LIG3: variants seen among roughly 807,000 people sequenced by gnomAD.
LIG3 encodes ligase II, DNA, ATP-dependent.
A neutral mutation model predicts 110.9 loss-of-function variants in LIG3; 58 were observed. That is an observed-to-expected ratio of 0.52 (90% CI 0.42 to 0.65). The LOEUF is 0.65. Ranked by LOEUF, LIG3 falls within the 30% of genes least tolerant of loss-of-function variation. The pLI, the probability that LIG3 is intolerant of heterozygous loss-of-function variation, is 0.00. For missense variants in LIG3, 1,094 were observed against 1,273.8 expected (o/e 0.86, Z 2.15); for synonymous variants, 422 against 472.8 (o/e 0.89, Z 1.39).
chr17:34,993,468 ACCTGCAGTAGTGG>A (rs1209569327), intron 8 of LIG3, among the ~76,000 whole-genome samples: 4 of 152,242 alleles, frequency 2.6e-5, no homozygotes, highest in Non-Finnish European at 4.4e-5. Flanking sequence ...GACTGCGGCC[ACCTGCAGTAGTGG>A]CCTTTCTGAC....
At chr17:34,986,953 G>A (rs2090662572) in intron 3 of LIG3, among the ~76,000 whole-genome samples, 1 of 152,196 alleles carries the variant, frequency 6.6e-6, no homozygotes, top group South Asian at 2.1e-4. Flanking sequence ...TTTGTTGGGA[G>A]GCAGTACAGC....
chr17:34,996,518 T>G, intron 10 of LIG3, 56 bp from the exon 11 acceptor site: 1 of 1,426,504 alleles, frequency 7.0e-7, no homozygotes, highest in Non-Finnish European at 9.9e-7. Context: ...GTACTCCTTA[T>G]TTTTTCACAC....
At chr17:35,003,425 C>T (rs1325736213) in intron 19 of LIG3, 4 of 206,378 alleles carry the variant, frequency 1.9e-5, no homozygotes, top group Non-Finnish European at 4.0e-5. Flanking sequence ...AGCGATTCTC[C>T]GGCTTCAGCC....
chr17:34,989,657 G>C lies in LIG3; in HGVS notation c.883G>C (p.Ala295Pro). 1 of 1,614,154 alleles carries C rather than the reference G, an allele frequency of 6.2e-7. No individual in the cohort carries two copies. Among genetic ancestry groups the C allele is most frequent in the Non-Finnish European group, 8.5e-7 (1 of 1,180,018 alleles). ...IIQDFLRKGS[A>P]GDGFHGDVYL... ...CCAGGACTTCCTTCGGAAAGGCTCAGCAGGAGGTGTGGCATGAGCATCCTG... is the reference window on the plus strand; with the variant it reads ...CCAGGACTTCCTTCGGAAAGGCTCACCAGGAGGTGTGGCATGAGCATCCTG... The change falls in exon 4 of 20, where the codon GCA (alanine) becomes CCA (proline). Residue 295 changes from alanine to proline, a missense_variant. Transcript: ENST00000378526.
At chr17:34,998,369 C>T in intron 13 of LIG3, 73 bp downstream of exon 13, 1 of 1,376,718 alleles carries the variant, frequency 7.3e-7, no homozygotes, top group East Asian at 2.3e-5. Flanking sequence ...CCAGCCCTGA[C>T]CAGGAGATGG....
Position 35,001,967 on chromosome 17 carries a change from G to A in LIG3, c.2537G>A (p.Gly846Glu), listed in dbSNP as rs370060405. Reference protein sequence around the residue: ...ADFTVVAGDEGSSTTGGSSEE... With the variant: ...ADFTVVAGDEESSTTGGSSEE... ...TTCACTGTAGTGGCTGGAGATGAGG[G>A]GAGCTCCACTACAGGGGGTAGCAGT... is the stretch of plus-strand genomic sequence containing the variant. The change falls in exon 18 of 20, where the codon GGG (glycine) becomes GAG (glutamate). Residue 846 changes from glycine (G) to glutamate (E), a missense_variant. By Grantham distance (98) the Gly-to-Glu change is moderately conservative (BLOSUM62 -2). Coordinates refer to ENST00000378526, the MANE Select transcript of LIG3 (RefSeq NM_013975.4). 9 of 1,612,824 alleles carry A rather than the reference G, an allele frequency of 5.6e-6. No individual in the cohort carries two copies. The African/African-American group carries it at 1.1e-4, about 19-fold the overall frequency.
At chr17:34,991,271 T>C (rs1597794717) in intron 5 of LIG3, 157 bp downstream of exon 5, 1 of 675,036 alleles carries the variant, frequency 1.5e-6, no homozygotes, top group East Asian at 2.7e-5. Context: ...GAGCTGAATG[T>C]GAGGCTATAG....
intron 19 of LIG3, chr17:35,004,008 C>T: frequency 2.2e-6 from 1 of 462,322 alleles, no homozygotes; most frequent in South Asian, 2.3e-5. Flanking sequence ...GGCTCTTATA[C>T]ACATGTACTC....
chr17:35,007,155 A>G lies in LIG3; in HGVS notation c.*2649A>G, dbSNP rs1302016581. 6.6e-6 allele frequency: 1 copy of G among 152,042 alleles called. No homozygotes were observed. The highest frequency in any genetic ancestry group is 2.4e-5 in the African/African-American group (1 of 41,404). 9.4% of individuals were successfully genotyped at this position (152,042 alleles called of 1,614,324 possible). Reference sequence around the variant, plus strand: ...CCTGCCAAAGGCACTGTCCTCTCCAACCTGGACCCAGCCCCACTTGCCCTT... The same window carrying G: ...CCTGCCAAAGGCACTGTCCTCTCCAGCCTGGACCCAGCCCCACTTGCCCTT... On this transcript the variant is annotated 3_prime_UTR_variant, in exon 20 of 20. Coordinates refer to ENST00000378526, the MANE Select transcript of LIG3 (RefSeq NM_013975.4).
rs1567696849 is a variant in LIG3 at position 35,005,534 on chromosome 17, A to C, written c.*1028A>C. 1 of 576,356 alleles carries C rather than the reference A, an allele frequency of 1.7e-6. No homozygotes were observed. 35.7% of individuals were successfully genotyped at this position (576,356 alleles called of 1,614,324 possible). A position where few individuals can be genotyped will look rare whatever the true frequency, so the allele number is the denominator to read the frequency against. Reference sequence around the variant, plus strand: ...TTCTTGGCCTACAAAGTAAATGGACAGTATATTATGGAAGGATTTGCATCC... The same window carrying C: ...TTCTTGGCCTACAAAGTAAATGGACCGTATATTATGGAAGGATTTGCATCC... On this transcript the variant is annotated 3_prime_UTR_variant, in exon 20 of 20. Transcript: ENST00000378526.
At chr17:34,992,411 C>A (rs983828578) in intron 7 of LIG3, 113 bp from the exon 8 acceptor site, 13 of 1,187,706 alleles carry the variant, frequency 1.1e-5, no homozygotes, top group Non-Finnish European at 1.6e-5. Context: ...CAATAGAACA[C>A]AACCCCTTCC....
In LIG3 at chr17:35,004,663, T is replaced by C. The variant is rs1188861196; in HGVS notation, c.*157T>C. ...TGTCTCTTCTGGACCAGGAATTAGT[T>C]GCTGTGGGTGCCACAGCTGAAGTCA... On this transcript the variant is annotated 3_prime_UTR_variant, in exon 20 of 20. Coordinates refer to ENST00000378526, the MANE Select transcript of LIG3 (RefSeq NM_013975.4). 1 of 611,960 alleles carries C rather than the reference T, an allele frequency of 1.6e-6. No homozygotes were observed. The highest frequency in any genetic ancestry group is 1.8e-5 in the African/African-American group (1 of 54,106). The allele number at this position is 611,960 out of a possible 1,614,324, so 37.9% of individuals were successfully genotyped here. A position where few individuals can be genotyped will look rare whatever the true frequency, so the allele number is the denominator to read the frequency against.
rs771651645 is a variant in LIG3, at chr17:34,989,463, C to A, written c.692-3C>A. On this transcript the variant is annotated splice_polypyrimidine_tract_variant and splice_region_variant and intron_variant, in intron 3 of 19. Coordinates refer to ENST00000378526, the MANE Select transcript of LIG3 (RefSeq NM_013975.4). ...GAATTCATCTCTGTTGTTTCTCCAA[C>A]AGCCAAGCCCAACAACTCTGGGGAA... 6.2e-7 allele frequency: 1 copy of A among 1,613,324 alleles called. No homozygotes were observed. The highest frequency in any genetic ancestry group is 2.2e-5 in the East Asian group (1 of 44,850).
intron 14 of LIG3, chr17:34,998,930 A>G (rs1261429559): frequency 8.8e-6 from 5 of 567,372 alleles, no homozygotes; most frequent in South Asian, 2.7e-5. Context: ...AGAGTACCCT[A>G]TGCTAGCCTA....
At chr17:34,996,751 C>A in intron 11 of LIG3, 98 bp downstream of exon 11, 2 of 1,025,086 alleles carry the variant, frequency 2.0e-6, no homozygotes, top group Non-Finnish European at 3.0e-6. Context: ...AAGGAGGGTA[C>A]AGGGAACCAG....
chr17:34,982,984 T>G lies in LIG3; in HGVS notation c.-4-18T>G. On this transcript the variant is annotated intron_variant, in intron 1 of 19. Transcript: ENST00000378526. ...ATATCTTTTTTTTTTTTTTTTGGCC[T>G]CCTACTCTTTCGTACAGCTATATGT... 1 of 1,331,180 alleles carries G rather than the reference T, an allele frequency of 7.5e-7. No individual in the cohort carries two copies. Among genetic ancestry groups the G allele is most frequent in the Non-Finnish European group, 1.0e-6 (1 of 983,916 alleles). 82.5% of individuals were successfully genotyped at this position (1,331,180 alleles called of 1,614,324 possible). A position where few individuals can be genotyped will look rare whatever the true frequency, so the allele number is the denominator to read the frequency against.
chr17:34,985,923 C>G, intron 2 of LIG3, 65 bp from the exon 3 acceptor site: 1 of 1,542,322 alleles, frequency 6.5e-7, no homozygotes, highest in African/African-American at 1.4e-5. Flanking sequence ...TTGATAGATT[C>G]TTTGGATGTT....
At position 35,009,510 on chromosome 17, in the gene LIG3, T is replaced by A. The variant is rs994767101; in HGVS notation, c.*5004T>A. The A allele has an allele frequency of 6.6e-6, 1 of 152,022 alleles. No individual in the cohort carries two copies. Among genetic ancestry groups the A allele is most frequent in the Non-Finnish European group, 1.5e-5 (1 of 68,016 alleles). The allele number at this position is 152,022 out of a possible 1,614,324, so 9.4% of individuals were successfully genotyped here. ...TTCAAAGATTTAAAAAAAATCAAATTTTAGACCTTGGTTAAATATTAACTG... is the reference window on the plus strand; with the variant it reads ...TTCAAAGATTTAAAAAAAATCAAATATTAGACCTTGGTTAAATATTAACTG... On this transcript the variant is annotated 3_prime_UTR_variant, in exon 20 of 20. Coordinates refer to ENST00000378526, the MANE Select transcript of LIG3 (RefSeq NM_013975.4).
In LIG3 at chr17:34,980,517, A is replaced by G; in HGVS notation, c.-110A>G. The G allele has an allele frequency of 7.8e-7, 1 of 1,274,444 alleles. No individual in the cohort carries two copies. Among genetic ancestry groups the G allele is most frequent in the Non-Finnish European group, 1.0e-6 (1 of 977,176 alleles). 78.9% of individuals were successfully genotyped at this position (1,274,444 alleles called of 1,614,324 possible). Reference sequence around the variant, plus strand: ...GCGCCTGCGCGCTGCCTCCCGCTCTAGGACCCGGATTTAAAGAGACAGGCG... The same window carrying G: ...GCGCCTGCGCGCTGCCTCCCGCTCTGGGACCCGGATTTAAAGAGACAGGCG... On this transcript the variant is annotated 5_prime_UTR_variant, in exon 1 of 20. Transcript: ENST00000378526.
Sources: allele counts gnomAD v4.1 joint callset (sites outside exome capture counted in the v4.1 genomes callset), GRCh38; gene constraint gnomAD v4.1.1; transcripts MANE v1.5; gene names NCBI Gene and HGNC (gene_info 2026-07-23, HGNC 2026-07-21).